Variants in MTOR observed in about 807,000 individuals in gnomAD.
MTOR encodes the protein serine/threonine-protein kinase mTOR.
Under a neutral mutation model 319.8 loss-of-function variants are expected in MTOR, and 70 were observed. The ratio of observed to expected loss-of-function variants is 0.22; its 90% CI spans 0.18 to 0.27. The LOEUF is 0.27. MTOR is among the 10% of genes least tolerant of loss of function. The pLI is 1.00. For synonymous variants in MTOR, 1,183 were observed against 1,211.4 expected (o/e 0.98, Z 0.49); for missense variants, 1,890 against 3,274.4 (o/e 0.58, Z 10.32).
At chr1:11,141,087 G>A (rs895778434) in intron 34 of MTOR, among the ~76,000 whole-genome samples, 9 of 151,368 alleles carry the variant, frequency 5.9e-5, no homozygotes, top group Non-Finnish European at 1.3e-4. Context: ...ACACAGAAGG[G>A]GAAATGCTTC....
At chr1:11,178,297 T>G (rs571087521) in intron 28 of MTOR, among the ~76,000 whole-genome samples, 24 of 152,288 alleles carry the variant, frequency 1.6e-4, no homozygotes, top group Admixed American at 1.6e-3. Context: ...TGGTTGGATA[T>G]AGGGCCCAGG....
intron 6 of MTOR, among the ~76,000 whole-genome samples, chr1:11,252,515 C>T (rs1485294793): frequency 1.3e-5 from 2 of 151,998 alleles, no homozygotes; most frequent in Non-Finnish European, 1.5e-5. Flanking sequence ...ATATAGAAAC[C>T]GCACAAGAGC....
At chr1:11,189,658 C>T (rs1485351894) in intron 28 of MTOR, 5 of 1,614,068 alleles carry the variant, frequency 3.1e-6, no homozygotes, top group Non-Finnish European at 3.4e-6. Flanking sequence ...AGCGTGGCTG[C>T]AGAAGCTCTC....
intron 29 of MTOR, among the ~76,000 whole-genome samples, chr1:11,158,761 A>T (rs1644389361): frequency 6.6e-6 from 1 of 152,022 alleles, no homozygotes; most frequent in Non-Finnish European, 1.5e-5. Flanking sequence ...TGTGGCATAC[A>T]CTCAGCATGA....
intron 13 of MTOR, among the ~76,000 whole-genome samples, chr1:11,235,980 CAA>C (rs879884938): frequency 7.4e-6 from 1 of 134,834 alleles, no homozygotes; most frequent in Non-Finnish European, 1.6e-5. Flanking sequence ...GACTGTGTCT[CAA>C]AAAAAAAAAA....
intron 29 of MTOR, among the ~76,000 whole-genome samples, chr1:11,166,490 G>GA (rs1369029221): frequency 6.6e-6 from 1 of 152,180 alleles, no homozygotes; most frequent in Non-Finnish European, 1.5e-5. Flanking sequence ...AAAGACACAT[G>GA]AAAAAATGCT....
chr1:11,111,872 T>G (rs567332546), intron 54 of MTOR: 32 of 151,994 alleles, frequency 2.1e-4, no homozygotes, highest in African/African-American at 6.0e-4. Context: ...ATGTAGGGTG[T>G]TGCTAAATGT....
chr1:11,236,688 T>C (rs1647268766), intron 13 of MTOR, among the ~76,000 whole-genome samples: 1 of 151,738 alleles, frequency 6.6e-6, no homozygotes, highest in South Asian at 2.1e-4. Flanking sequence ...TTTTTTTATT[T>C]TTAGTAGAGA....
intron 29 of MTOR, among the ~76,000 whole-genome samples, chr1:11,164,412 T>TC (rs1436653452): frequency 2.1e-5 from 3 of 144,844 alleles, no homozygotes; most frequent in Non-Finnish European, 4.5e-5. Flanking sequence ...ATAAAGGGGA[T>TC]ATCACCACCG....
At chr1:11,223,814 T>C (rs1369049600) in intron 19 of MTOR, among the ~76,000 whole-genome samples, 2 of 151,896 alleles carry the variant, frequency 1.3e-5, no homozygotes, top group African/African-American at 2.4e-5. Flanking sequence ...CCGAGACGGG[T>C]GGATCACTTG....
Position 11,150,113 on chromosome 1 carries a change from AG to A in MTOR, c.4570+12del, listed in dbSNP as rs1644088937. 6.2e-7 allele frequency: 1 copy of A among 1,612,432 alleles called. No individual in the cohort carries two copies. The highest frequency in any genetic ancestry group is 1.7e-5 in the Admixed American group (1 of 59,992). ...CCCCATCCTTCACAGGGTGCCTGTG[AG>A]GGAAGCTTTACCTAAACCCCATGCA... is the stretch of plus-strand genomic sequence containing the variant. On this transcript the variant is annotated intron_variant, in intron 31 of 57. Coordinates refer to ENST00000361445, the MANE Select transcript of MTOR (RefSeq NM_004958.4).
At chr1:11,211,761 T>C (rs1485183194) in intron 23 of MTOR, among the ~76,000 whole-genome samples, 1 of 152,188 alleles carries the variant, frequency 6.6e-6, no homozygotes, top group African/African-American at 2.4e-5. Context: ...CTACAAAATC[T>C]AGTCTCTACT....
chr1:11,129,011 T>A lies in MTOR; in HGVS notation c.5715-60A>T. The A allele has an allele frequency of 7.1e-7, 1 of 1,408,422 alleles. No individual in the cohort carries two copies. Among genetic ancestry groups the A allele is most frequent in the Non-Finnish European group, 9.9e-7 (1 of 1,010,556 alleles). The allele number at this position is 1,408,422 out of a possible 1,614,324, so 87.2% of individuals were successfully genotyped here. ...GTTTCCCAGTTTTTGCCTGCCTGTT[T>A]TTCATCTCTAAGGCTCCTGAGAAGA... On this transcript the variant is annotated intron_variant, in intron 40 of 57. Coordinates refer to ENST00000361445, the MANE Select transcript of MTOR (RefSeq NM_004958.4). This position sits in a 1 kb window ranked among gnomAD's most constrained non-coding sequence, Gnocchi z 4.7.
In MTOR at chr1:11,144,714, A is replaced by G. The variant is rs751448615; in HGVS notation, c.4806T>C (p.Val1602=). The change falls in exon 34 of 58, where the codon GTT becomes GTC. Residue 1602 remains valine, a synonymous_variant. Coordinates refer to ENST00000361445, the MANE Select transcript of MTOR (RefSeq NM_004958.4). ...SCHMLSELEE[V]IQYKLVPERR... Reference sequence around the variant, plus strand: ...GCTCGGGGACAAGTTTGTACTGGATAACCTCCTCCAGCTCGGACAGCATGT... The same window carrying G: ...GCTCGGGGACAAGTTTGTACTGGATGACCTCCTCCAGCTCGGACAGCATGT... 1.2e-6 allele frequency: 2 copies of G among 1,613,856 alleles called. No individual in the cohort carries two copies. The highest frequency in any genetic ancestry group is 1.7e-6 in the Non-Finnish European group (2 of 1,180,020).
At chr1:11,226,511 C>T (rs1005465375) in intron 19 of MTOR, among the ~76,000 whole-genome samples, 2 of 152,128 alleles carry the variant, frequency 1.3e-5, no homozygotes, top group Non-Finnish European at 2.9e-5. Context: ...TGGAAGTAGG[C>T]CGGGTACAGT....
chr1:11,234,328 C>A lies in MTOR; in HGVS notation c.2209-63G>T, dbSNP rs1460879339. On this transcript the variant is annotated intron_variant, in intron 13 of 57. Transcript: ENST00000361445. ...AAGACATTCTAGAGAGAGACTGTGTCCAACAGAAAAAGTGGCAGGGAACTG... is the reference window on the plus strand; with the variant it reads ...AAGACATTCTAGAGAGAGACTGTGTACAACAGAAAAAGTGGCAGGGAACTG... 14 of 1,524,172 alleles carry A rather than the reference C, an allele frequency of 9.2e-6. No individual in the cohort carries two copies. In the Admixed American group the frequency reaches 3.0e-4, roughly 33 times the overall value. 94.4% of individuals were successfully genotyped at this position (1,524,172 alleles called of 1,614,324 possible).
chr1:11,157,889 A>T (rs981962348), intron 29 of MTOR, among the ~76,000 whole-genome samples: 96 of 152,248 alleles, frequency 6.3e-4, no homozygotes, highest in African/African-American at 1.4e-3. Context: ...ACCACTTAAA[A>T]TTTTTTGGAA....
intron 28 of MTOR, among the ~76,000 whole-genome samples, chr1:11,170,034 T>G (rs932821257): frequency 1.3e-5 from 2 of 152,200 alleles, no homozygotes; most frequent in African/African-American, 4.8e-5. Context: ...TCCAGATTCG[T>G]TGGGGAAGCT....
chr1:11,136,778 C>T lies in MTOR; in HGVS notation c.5131-2312G>A, dbSNP rs187842979. On this transcript the variant is annotated intron_variant, in intron 36 of 57. Coordinates refer to ENST00000361445, the MANE Select transcript of MTOR (RefSeq NM_004958.4). Reference sequence around the variant, plus strand: ...ACGGCCTCCCAAAGTGCTGGGATTACAGGTGTGAACCACCCTTTAGTTTTT... The same window carrying T: ...ACGGCCTCCCAAAGTGCTGGGATTATAGGTGTGAACCACCCTTTAGTTTTT... 7.7e-3 allele frequency among the ~76,000 whole-genome samples: 1,168 copies of T among 150,778 alleles called. 21 individuals are homozygous for T. Among genetic ancestry groups the T allele is most frequent in the African/African-American group, 0.027 (1,103 of 41,092 alleles).
Sources: allele counts gnomAD v4.1 joint callset (sites outside exome capture counted in the v4.1 genomes callset), GRCh38; gene constraint gnomAD v4.1.1; non-coding constraint Gnocchi (gnomAD v3.1); transcripts MANE v1.5; gene names NCBI Gene and HGNC (gene_info 2026-07-23, HGNC 2026-07-21).